TNIP1: variants seen among roughly 807,000 people sequenced by gnomAD.
The protein encoded by TNIP1 is TNFAIP3 interacting protein 1, also known as TNFAIP3-interacting protein 1.
A neutral mutation model predicts 86.6 loss-of-function variants in TNIP1; 22 were observed. The observed-to-expected ratio is 0.25, with a 90% confidence interval of 0.18 to 0.36. The LOEUF (loss-of-function observed/expected upper bound fraction) is 0.36. TNIP1 is among the 10% of genes least tolerant of loss of function. The probability of loss-of-function intolerance (pLI) is 1.00; values close to 1 mark genes in which losing one functional copy is unlikely to be tolerated. For missense variants in TNIP1, 709 were observed against 820.6 expected, an observed-to-expected ratio of 0.86 and a Z score of 1.66; for synonymous variants, 294 against 313.0, an observed-to-expected ratio of 0.94 and a Z score of 0.64.
rs750988154 is a variant in TNIP1 at position 151,030,628 on chromosome 5, C to T, written c.*85G>A. On this transcript the variant is annotated 3_prime_UTR_variant, in exon 18 of 18. Coordinates refer to ENST00000521591, the MANE Select transcript of TNIP1 (RefSeq NM_006058.5). ...CATCCAGCTGAGGCTCTGGCCACAC[C>T]GTGCAAGTGGCTTCTAGTTTCTTGG... The T allele has an allele frequency of 1.1e-5, 18 of 1,604,018 alleles. No homozygotes were observed. Among genetic ancestry groups the T allele is most frequent in the African/African-American group, 4.0e-5 (3 of 74,598 alleles).
intron 16 of TNIP1, 170 bp from the exon 17 acceptor site, chr5:151,032,553 A>G: frequency 3.0e-6 from 2 of 677,416 alleles, no homozygotes; most frequent in Non-Finnish European, 2.5e-6. Context: ...CTCAGAGGGG[A>G]TAACTTGCTG....
intron 1 of TNIP1, among the ~76,000 whole-genome samples, chr5:151,075,221 T>A (rs1206162162): frequency 6.6e-6 from 1 of 152,172 alleles, no homozygotes; most frequent in African/African-American, 2.4e-5. Flanking sequence ...AAGGAGAAAT[T>A]TCAACTGATT....
chr5:151,046,022 C>G, intron 8 of TNIP1, 72 bp from the exon 9 acceptor site: 1 of 1,463,396 alleles, frequency 6.8e-7, no homozygotes, highest in Non-Finnish European at 9.5e-7. Flanking sequence ...CGGTGCTCCT[C>G]TAAGACCCCT....
At chr5:151,062,022 C>T in intron 4 of TNIP1, 105 bp downstream of exon 4, 1 of 1,042,926 alleles carries the variant, frequency 9.6e-7, no homozygotes, top group African/African-American at 1.6e-5. Context: ...CGAGACGGAA[C>T]ACAGTTTCTT....
chr5:151,053,633 T>G (rs555579306), intron 6 of TNIP1, among the ~76,000 whole-genome samples: 1 of 152,324 alleles, frequency 6.6e-6, no homozygotes, highest in Admixed American at 6.5e-5. Flanking sequence ...GCATACAGTG[T>G]CAGCACAGAG....
In TNIP1 at chr5:151,039,223, G is replaced by A. The variant is rs755912796; in HGVS notation, c.1137C>T (p.Thr379=). Residue 379 remains threonine (T), a splice_region_variant and synonymous_variant, in exon 12 of 18, where the codon ACC becomes ACT. Coordinates refer to ENST00000521591, the MANE Select transcript of TNIP1 (RefSeq NM_006058.5). ...LAKSKIEMEE[T]DKEQLTAEAK... ...CCTCTGCTGTCAGCTGCTCCTTGTC[G>A]GTCTGCAGGGAATACAAGGTTGGTA... 20 of 1,611,508 alleles carry A rather than the reference G, an allele frequency of 1.2e-5. No individual in the cohort carries two copies. The highest frequency in any genetic ancestry group is 2.2e-5 in the East Asian group (1 of 44,882).
intron 5 of TNIP1, among the ~76,000 whole-genome samples, chr5:151,057,828 G>A (rs1032384286): frequency 1.7e-4 from 26 of 152,136 alleles, no homozygotes; most frequent in African/African-American, 6.0e-4. Flanking sequence ...ATTAGGTATC[G>A]TAAGTAATCT....
intron 6 of TNIP1, among the ~76,000 whole-genome samples, chr5:151,055,570 C>T (rs902866674): frequency 5.3e-5 from 8 of 152,230 alleles, no homozygotes; most frequent in African/African-American, 1.9e-4. Flanking sequence ...TTCAGCCTCA[C>T]CTCCCAACAC....
intron 1 of TNIP1, among the ~76,000 whole-genome samples, chr5:151,086,226 C>T (rs1363813775): frequency 6.6e-6 from 1 of 152,112 alleles, no homozygotes. Flanking sequence ...CTCTCAGGAG[C>T]CATATGGGGC....
At chr5:151,043,456 GAC>G (rs576349790) in intron 9 of TNIP1, among the ~76,000 whole-genome samples, 5 of 152,200 alleles carry the variant, frequency 3.3e-5, no homozygotes, top group Non-Finnish European at 7.3e-5. Flanking sequence ...AGTATAAACA[GAC>G]AATGTGCAGC....
intron 1 of TNIP1, 87 bp downstream of exon 1, chr5:151,080,793 C>A (rs59601429): frequency 0.079 from 12,075 of 152,318 alleles, 1,004 homozygotes; most frequent in African/African-American, 0.22. Context: ...TTCCCCAGCT[C>A]GCTCCCCGCC....
chr5:151,035,552 G>GT (rs772599973), intron 14 of TNIP1, 30 bp downstream of exon 14: 10 of 1,614,132 alleles, frequency 6.2e-6, no homozygotes, highest in Non-Finnish European at 7.6e-6. Context: ...GGACAGGCCA[G>GT]TTGCCCTTCC....
At chr5:151,073,982 C>T (rs947238925) in intron 1 of TNIP1, among the ~76,000 whole-genome samples, 1 of 152,268 alleles carries the variant, frequency 6.6e-6, no homozygotes, top group South Asian at 2.1e-4. Flanking sequence ...ACAGAAGGAC[C>T]TCGGTAAGGA....
chr5:151,084,757 C>G (rs1321970745), upstream of TNIP1, among the ~76,000 whole-genome samples: 1 of 152,120 alleles, frequency 6.6e-6, no homozygotes, highest in Non-Finnish European at 1.5e-5. Context: ...AAAGAGCAGC[C>G]CTGGGTCCCT....
Position 151,033,724 on chromosome 5 carries a change from T to C in TNIP1, c.1663A>G (p.Met555Val). 7.4e-7 allele frequency: 1 copy of C among 1,354,636 alleles called. No homozygotes were observed. The highest frequency in any genetic ancestry group is 9.6e-7 in the Non-Finnish European group (1 of 1,044,326). 83.9% of individuals were successfully genotyped at this position (1,354,636 alleles called of 1,614,324 possible). A position where few individuals can be genotyped will look rare whatever the true frequency, so the allele number is the denominator to read the frequency against. The change falls in exon 16 of 18, where the codon ATG becomes GTG. Residue 555 changes from methionine (M) to valine (V), a missense_variant. Met to Val is a conservative substitution (Grantham distance 21). Transcript: ENST00000521591. ...CCATGGTGTGGCACCATGGCTGGCA[T>C]GGGCGGGTAGGCGTAGGGGTAGGCC... ...CGAYPYAYPP[M>V]PAMVPHHGFE...
chr5:151,065,160 G>A (rs1173448488), intron 1 of TNIP1, 29 bp from the exon 2 acceptor site: 1 of 1,577,774 alleles, frequency 6.3e-7, no homozygotes. Flanking sequence ...CATATCAGCA[G>A]GCTGGCCAGG....
intron 1 of TNIP1, among the ~76,000 whole-genome samples, chr5:151,073,487 G>A (rs1329920148): frequency 6.6e-6 from 1 of 151,876 alleles, no homozygotes. Flanking sequence ...GAATGGGGTA[G>A]ATTGCTTGGC....
At chr5:151,050,354 C>T (rs1759745292) in intron 7 of TNIP1, among the ~76,000 whole-genome samples, 2 of 152,202 alleles carry the variant, frequency 1.3e-5, no homozygotes, top group Non-Finnish European at 2.9e-5. Flanking sequence ...TCGCCAGTTT[C>T]CCTCGTTAAC....
chr5:151,079,811 AT>A (rs1414929487), intron 1 of TNIP1, among the ~76,000 whole-genome samples: 1 of 152,076 alleles, frequency 6.6e-6, no homozygotes, highest in Non-Finnish European at 1.5e-5. Context: ...TTTGTCAAGG[AT>A]TTTTTTAAAA....
Sources: allele counts gnomAD v4.1 joint callset (sites outside exome capture counted in the v4.1 genomes callset), GRCh38; gene constraint gnomAD v4.1.1; transcripts MANE v1.5; gene names NCBI Gene and HGNC (gene_info 2026-07-23, HGNC 2026-07-21).